Variants in TEX9 observed in about 807,000 individuals in gnomAD.
The protein encoded by TEX9 is testis-expressed protein 9.
TEX9 carries 74 observed loss-of-function variants against 59.6 expected under a neutral mutation model. The observed-to-expected ratio is 1.24, with a 90% CI of 1.03 to 1.51. TEX9 has a LOEUF of 1.51. Among genes scored for constraint, TEX9 ranks in the 40% most tolerant of loss-of-function variants. The pLI is 0.00. For missense variants in TEX9, 522 were observed against 447.8 expected, an observed-to-expected ratio of 1.17 and a Z score of -1.49; for synonymous variants, 186 against 152.2, an observed-to-expected ratio of 1.22 and a Z score of -1.64.
At chr15:56,331,837 G>C (rs1262869504) in intron 1 of TEX9, among the ~76,000 whole-genome samples, 1 of 150,118 alleles carries the variant, frequency 6.7e-6, no homozygotes, top group Non-Finnish European at 1.5e-5. Context: ...CTCAAAAGAA[G>C]ACATTTATGC....
At chr15:56,393,033 G>A (rs2142306880) in intron 7 of TEX9, among the ~76,000 whole-genome samples, 1 of 152,280 alleles carries the variant, frequency 6.6e-6, no homozygotes, top group African/African-American at 2.4e-5. Flanking sequence ...TAAAGCTAGG[G>A]TCGAGTGGGG....
Position 56,329,663 on chromosome 15 carries a change from C to T in TEX9, c.-106-43778C>T, listed in dbSNP as rs370262459. ...GCAATTGACATACTGAAGAATGCAT[C>T]GAAGTCTTAGTAACAGAATTCATCA... On this transcript the variant is annotated intron_variant, in intron 1 of 5. Transcript: ENST00000560827. Among the ~76,000 whole-genome samples the T allele has an allele frequency of 4.3e-4, 66 of 152,034 alleles. 1 individual carries two copies. Among genetic ancestry groups the T allele is most frequent in the African/African-American group, 1.5e-3 (63 of 41,482 alleles).
rs1440000900 is a variant in TEX9 at position 56,283,805 on chromosome 15, A to G, written c.-107+39527A>G. Among the ~76,000 whole-genome samples, 8 of 151,866 alleles carry G rather than the reference A, an allele frequency of 5.3e-5. No homozygotes were observed. The East Asian group carries it at 1.5e-3, about 29-fold the overall frequency. ...TAAGAGACAAACATAAACCTGGAAGAAAAAAAAATCACAATTAATTTGGTA... is the reference window on the plus strand; with the variant it reads ...TAAGAGACAAACATAAACCTGGAAGGAAAAAAAATCACAATTAATTTGGTA... On this transcript the variant is annotated intron_variant, in intron 1 of 5. Coordinates refer to the TEX9 transcript ENST00000560827.
intron 1 of TEX9, among the ~76,000 whole-genome samples, chr15:56,307,709 C>G (rs1339458891): frequency 6.6e-6 from 1 of 152,118 alleles, no homozygotes; most frequent in Admixed American, 6.6e-5. Flanking sequence ...CAAAAGAAAC[C>G]TCATACTCAT....
chr15:56,318,298 C>A lies in TEX9; in HGVS notation c.-106-55143C>A, dbSNP rs1393636850. On this transcript the variant is annotated intron_variant, in intron 1 of 5. Transcript: ENST00000560827. ...ACACTTTTTGCTTTGACGTCTATTT[C>A]ATCTGATATAAATATAGCTGCTCCA... 2.0e-5 allele frequency among the ~76,000 whole-genome samples: 3 copies of A among 152,114 alleles called. No individual in the cohort carries two copies. In the South Asian group the frequency reaches 6.2e-4, roughly 32 times the overall value.
chr15:56,408,813 C>G (rs764321296), intron 9 of TEX9: 2 of 152,226 alleles, frequency 1.3e-5, no homozygotes, highest in African/African-American at 4.8e-5. Flanking sequence ...TTCATTACAT[C>G]TACCCAAGCC....
At chr15:56,327,508 C>G (rs1567087067) in intron 1 of TEX9, among the ~76,000 whole-genome samples, 1 of 152,134 alleles carries the variant, frequency 6.6e-6, no homozygotes, top group Non-Finnish European at 1.5e-5. Flanking sequence ...TAACAAGTAT[C>G]TACACACAAA....
chr15:56,254,001 C>A (rs2044088421), intron 1 of TEX9, among the ~76,000 whole-genome samples: 1 of 152,110 alleles, frequency 6.6e-6, no homozygotes, highest in African/African-American at 2.4e-5. Context: ...CATAGGTTAT[C>A]ACCCACAAAT....
intron 1 of TEX9, chr15:56,244,294 G>A (rs1410322900): frequency 6.6e-6 from 1 of 152,284 alleles, no homozygotes; most frequent in African/African-American, 2.4e-5. Flanking sequence ...ACGATAAACT[G>A]ACTTTTCAGA....
intron 1 of TEX9, among the ~76,000 whole-genome samples, chr15:56,345,924 A>T (rs2046461763): frequency 6.6e-6 from 1 of 152,166 alleles, no homozygotes; most frequent in Admixed American, 6.5e-5. Flanking sequence ...CATCCTTCTG[A>T]TTCATAATAT....
rs150038108 is a variant in TEX9, at chr15:56,296,780, T to G, written c.-107+52502T>G. On this transcript the variant is annotated intron_variant, in intron 1 of 5. Coordinates refer to the TEX9 transcript ENST00000560827. ...AAATAAGGAAGCTGTATTATGAAGA[T>G]CTCAAATCAGTAAACTGGTGAGTTC... Among the ~76,000 whole-genome samples the G allele has an allele frequency of 9.4e-3, 1,430 of 152,344 alleles. 11 individuals carry two copies. The highest frequency in any genetic ancestry group is 0.014 in the Non-Finnish European group (958 of 68,036).
the TEX9 span, chr15:56,456,310 G>C: frequency 3.9e-6 from 5 of 1,294,636 alleles, no homozygotes; most frequent in Non-Finnish European, 5.2e-6. Context: ...CATAAACAAA[G>C]AAATTTCACT....
At chr15:56,290,646 G>A (rs1439554466) in intron 1 of TEX9, among the ~76,000 whole-genome samples, 2 of 152,170 alleles carry the variant, frequency 1.3e-5, no homozygotes, top group East Asian at 1.9e-4. Context: ...ATAGAGGTGG[G>A]TTCTCACTAT....
At chr15:56,388,398 A>G (rs1012333264) in intron 4 of TEX9, 74 bp from the exon 5 acceptor site, 5 of 1,164,638 alleles carry the variant, frequency 4.3e-6, no homozygotes, top group Non-Finnish European at 2.5e-6. Flanking sequence ...CCTTTCAAAT[A>G]TAATTGTTGA....
At chr15:56,386,485 A>C (rs2047966278) in intron 4 of TEX9, among the ~76,000 whole-genome samples, 1 of 152,048 alleles carries the variant, frequency 6.6e-6, no homozygotes, top group African/African-American at 2.4e-5. Flanking sequence ...AGTTCTAGCT[A>C]CTGGTATTAC....
At chr15:56,445,828 T>G (rs1468796824) in exon 13 of TEX9, 1 of 152,024 alleles carries the variant, frequency 6.6e-6, no homozygotes, top group Non-Finnish European at 1.5e-5. Context: ...TACAACTACC[T>G]TGAATAACTT....
At chr15:56,408,653 C>G (rs1273490279) in intron 9 of TEX9, 2 of 152,082 alleles carry the variant, frequency 1.3e-5, no homozygotes, top group Non-Finnish European at 2.9e-5. Context: ...TCTCTTCCTT[C>G]TCCCTGTCTT....
intron 3 of TEX9, among the ~76,000 whole-genome samples, chr15:56,378,441 C>G (rs1471517050): frequency 6.6e-6 from 1 of 151,958 alleles, no homozygotes; most frequent in African/African-American, 2.4e-5. Context: ...ATGGTTCAAT[C>G]TTGGTGGGTT....
At chr15:56,455,999 G>T in the TEX9 span, among the ~76,000 whole-genome samples, 3 of 152,210 alleles carry the variant, frequency 2.0e-5, no homozygotes, top group East Asian at 5.8e-4. Flanking sequence ...AGTTCCTACT[G>T]CAGTTACTAG....
Sources: gnomAD v4.1 joint callset for allele counts (sites outside exome capture counted in the v4.1 genomes callset) on GRCh38, gnomAD v4.1.1 for gene constraint, MANE v1.5 for transcripts, NCBI Gene and HGNC (gene_info 2026-07-23, HGNC 2026-07-21) for gene names.